INO80D: variants seen among roughly 807,000 people sequenced by gnomAD.
INO80D encodes the protein INO80 complex subunit D.
A neutral mutation model predicts 87.6 loss-of-function variants in INO80D; 21 were observed. The ratio of observed to expected loss-of-function variants is 0.24; its 90% CI spans 0.17 to 0.35. The LOEUF is 0.35. Among genes scored for constraint, INO80D ranks in the 10% least tolerant of loss-of-function variants. INO80D has a pLI of 1.00. For missense variants in INO80D, 982 were observed against 1,280.7 expected (o/e 0.77, Z 3.56); for synonymous variants, 440 against 491.0 (o/e 0.90, Z 1.37).
chr2:206,062,703 A>G lies in INO80D; in HGVS notation c.218+96T>C. On this transcript the variant is annotated intron_variant, in intron 3 of 10. Coordinates refer to ENST00000403263, the MANE Select transcript of INO80D (RefSeq NM_017759.5). The surrounding 1 kb of genome is among the most constrained non-coding windows in gnomAD (Gnocchi z 4.6). ...GGTGGAGGAAGGGAGGGAGGGAGAA[A>G]TGAAGGACAGAAGAAAAGAGAAGAA... 1 of 1,018,184 alleles carries G rather than the reference A, an allele frequency of 9.8e-7. No homozygotes were observed. The highest frequency in any genetic ancestry group is 1.5e-5 in the South Asian group (1 of 64,608). 63.1% of individuals were successfully genotyped at this position (1,018,184 alleles called of 1,614,324 possible). A position where few individuals can be genotyped will look rare whatever the true frequency, so the allele number is the denominator to read the frequency against.
intron 5 of INO80D, among the ~76,000 whole-genome samples, chr2:206,031,890 A>C (rs539839634): frequency 6.6e-6 from 1 of 152,276 alleles, no homozygotes; most frequent in East Asian, 1.9e-4. Context: ...TAGGAAAGGG[A>C]GATTCTCCGT....
intron 8 of INO80D, 28 bp downstream of exon 8, chr2:206,017,652 G>A (rs1688353759): frequency 6.6e-7 from 1 of 1,526,264 alleles, no homozygotes; most frequent in South Asian, 1.3e-5. Context: ...GCTACAAAAA[G>A]TTTGAAAGCC....
chr2:206,044,934 T>C (rs1689155843), intron 5 of INO80D, among the ~76,000 whole-genome samples: 1 of 152,184 alleles, frequency 6.6e-6, no homozygotes, highest in Non-Finnish European at 1.5e-5. Flanking sequence ...TATTGTGCTG[T>C]ATCTGAAAGA....
At chr2:206,081,584 C>A (rs1172630368) in intron 1 of INO80D, among the ~76,000 whole-genome samples, 4 of 151,832 alleles carry the variant, frequency 2.6e-5, no homozygotes, top group Non-Finnish European at 5.9e-5. Flanking sequence ...GAAACCCTGT[C>A]TCTACAAAAA....
Position 206,000,121 on chromosome 2 carries a change from G to C in INO80D, c.*4247C>G, listed in dbSNP as rs1472658645. ...CTCTAAATTGCCTCATTAAACTGGA[G>C]AGTTCTGTTGACCATTTAGAAGACC... On this transcript the variant is annotated 3_prime_UTR_variant, in exon 11 of 11. Coordinates refer to ENST00000403263, the MANE Select transcript of INO80D (RefSeq NM_017759.5). The C allele has an allele frequency of 6.6e-6, 1 of 152,062 alleles. No individual in the cohort carries two copies. The highest frequency in any genetic ancestry group is 2.4e-5 in the African/African-American group (1 of 41,396). The allele number at this position is 152,062 out of a possible 1,614,324, so 9.4% of individuals were successfully genotyped here.
rs376521030 is a variant in INO80D, at chr2:206,060,394, G to A, written c.218+2405C>T. Reference sequence around the variant, plus strand: ...CTAAAAATACAAAAATTAGCCGAGCGTGGTAGTGTGCACCTGTAATCCCAG... The same window carrying A: ...CTAAAAATACAAAAATTAGCCGAGCATGGTAGTGTGCACCTGTAATCCCAG... On this transcript the variant is annotated intron_variant, in intron 3 of 10. Transcript: ENST00000403263. 9.7e-4 allele frequency among the ~76,000 whole-genome samples: 147 copies of A among 151,846 alleles called. No individual in the cohort carries two copies. In the South Asian group the frequency reaches 0.017, roughly 18 times the overall value.
chr2:206,007,976 AAT>A (rs1419248856), intron 9 of INO80D: 1 of 152,256 alleles, frequency 6.6e-6, no homozygotes, highest in Non-Finnish European at 1.5e-5. Flanking sequence ...AGCCAATCCT[AAT>A]GTCTTCTAGG....
chr2:206,018,994 T>C (rs537049326), intron 7 of INO80D, among the ~76,000 whole-genome samples: 1 of 152,316 alleles, frequency 6.6e-6, no homozygotes, highest in Admixed American at 6.5e-5. Context: ...CTTATATCTA[T>C]TAAGTGCCTT....
At chr2:206,074,536 C>T (rs1690059012) in intron 1 of INO80D, among the ~76,000 whole-genome samples, 1 of 151,954 alleles carries the variant, frequency 6.6e-6, no homozygotes, top group African/African-American at 2.4e-5. Flanking sequence ...ACTGCTTGAA[C>T]CCGGGAGGCG....
chr2:206,014,502 AAATGGG>A (rs996508538), intron 8 of INO80D, among the ~76,000 whole-genome samples: 1 of 152,158 alleles, frequency 6.6e-6, no homozygotes, highest in African/African-American at 2.4e-5. Flanking sequence ...ATGGCTTTAA[AAATGGG>A]AGTTGCCCTG....
chr2:206,039,367 G>A lies in INO80D; in HGVS notation c.1073+7137C>T, dbSNP rs144393174. On this transcript the variant is annotated intron_variant, in intron 5 of 10. Transcript: ENST00000403263. ...AGCCGAGATTGCGCCATTGTACTCC[G>A]GCCTGGGCAACAAAAGCAAAACGAA... Among the ~76,000 whole-genome samples the A allele has an allele frequency of 7.3e-3, 1,096 of 150,514 alleles. 8 individuals are homozygous for A. The highest frequency in any genetic ancestry group is 0.013 in the Non-Finnish European group (889 of 67,546).
At chr2:206,034,079 C>T (rs1473368166) in intron 5 of INO80D, among the ~76,000 whole-genome samples, 1 of 152,140 alleles carries the variant, frequency 6.6e-6, no homozygotes, top group Non-Finnish European at 1.5e-5. Flanking sequence ...AGACCAACAA[C>T]AAGCAGCATG....
rs139215647 is a variant in INO80D at position 206,046,690 on chromosome 2, T to C, written c.965-78A>G. On this transcript the variant is annotated intron_variant, in intron 4 of 10. Transcript: ENST00000403263. ...ATTTAAACTAAAAAGCTACACAAAA[T>C]AACATAACCCAACATACCTATTGCA... 4 of 905,340 alleles carry C rather than the reference T, an allele frequency of 4.4e-6. No homozygotes were observed. The East Asian group carries it at 1.0e-4, about 23-fold the overall frequency. The allele number at this position is 905,340 out of a possible 1,614,324, so 56.1% of individuals were successfully genotyped here.
intron 5 of INO80D, among the ~76,000 whole-genome samples, chr2:206,041,279 G>A (rs925144433): frequency 1.3e-5 from 2 of 152,128 alleles, no homozygotes; most frequent in Non-Finnish European, 2.9e-5. Context: ...TGTCAGAAGA[G>A]ATAGAAAAGC....
At chr2:206,009,342 C>T (rs937223152) in intron 9 of INO80D, among the ~76,000 whole-genome samples, 1 of 87,694 alleles carries the variant, frequency 1.1e-5, no homozygotes, top group Non-Finnish European at 2.9e-5. Context: ...TGAGAGTATA[C>T]AATTAAAGTC....
intron 1 of INO80D, among the ~76,000 whole-genome samples, chr2:206,066,171 T>A (rs896121457): frequency 2.0e-5 from 3 of 152,052 alleles, no homozygotes; most frequent in African/African-American, 7.2e-5. Flanking sequence ...GGCAGGAGGA[T>A]CGCCTGAACC....
At chr2:206,025,542 A>AAAAAAAAAAAAAAAAAAAAAAATAT (rs71301548) in intron 6 of INO80D, 2 of 76,934 alleles carry the variant, frequency 2.6e-5, no homozygotes, top group Admixed American at 2.0e-4. Context: ...AAAAAAAAAA[A>AAAAAAAAAAAAAAAAAAAAAAATAT]ATATATATAT....
chr2:205,996,672 G>C lies in INO80D; in HGVS notation c.*7696C>G, dbSNP rs990484807. 6.6e-6 allele frequency: 1 copy of C among 152,008 alleles called. No individual in the cohort carries two copies. Among genetic ancestry groups the C allele is most frequent in the Non-Finnish European group, 1.5e-5 (1 of 67,944 alleles). The allele number at this position is 152,008 out of a possible 1,614,324, so 9.4% of individuals were successfully genotyped here. A position where few individuals can be genotyped will look rare whatever the true frequency, so the allele number is the denominator to read the frequency against. On this transcript the variant is annotated 3_prime_UTR_variant, in exon 11 of 11. Coordinates refer to ENST00000403263, the MANE Select transcript of INO80D (RefSeq NM_017759.5). ...CGTGTATATATAGATTTATACAAAT[G>C]TATAAATAAACATAATACTTTTCAA... is the stretch of plus-strand genomic sequence containing the variant.
intron 5 of INO80D, among the ~76,000 whole-genome samples, chr2:206,038,648 A>G (rs1297505428): frequency 6.6e-6 from 1 of 152,144 alleles, no homozygotes. Context: ...CCTGGGCAAC[A>G]TGGTGAAACC....
Sources: gnomAD v4.1 joint callset for allele counts (sites outside exome capture counted in the v4.1 genomes callset) on GRCh38, gnomAD v4.1.1 for gene constraint, Gnocchi (gnomAD v3.1) non-coding constraint, MANE v1.5 for transcripts, NCBI Gene and HGNC (gene_info 2026-07-23, HGNC 2026-07-21) for gene names.